CRACD: variants seen among roughly 807,000 people sequenced by gnomAD.
CRACD encodes capping protein inhibiting regulator of actin dynamics.
Under a neutral mutation model 106.8 loss-of-function variants are expected in CRACD, and 56 were observed. That is an observed-to-expected ratio of 0.52 (90% CI 0.42 to 0.66). The LOEUF is 0.66. Ranked by LOEUF, CRACD falls within the 30% of genes least tolerant of loss-of-function variation. The pLI is 0.00. For missense variants in CRACD, 1,730 were observed against 1,623.2 expected, an observed-to-expected ratio of 1.07 and a Z score of -1.13; for synonymous variants, 754 against 670.8, an observed-to-expected ratio of 1.12 and a Z score of -1.92.
intron 5 of CRACD, among the ~76,000 whole-genome samples, chr4:56,309,610 T>G (rs1042128905): frequency 3.7e-4 from 56 of 152,184 alleles, no homozygotes; most frequent in Middle Eastern, 3.4e-3. Context: ...TCCCAGCACT[T>G]TGGGAGGCCG....
At chr4:56,246,972 A>G (rs1307450251) in intron 2 of CRACD, among the ~76,000 whole-genome samples, 1 of 152,200 alleles carries the variant, frequency 6.6e-6, no homozygotes, top group Non-Finnish European at 1.5e-5. Flanking sequence ...TAATATTTAG[A>G]TACTGAAAAA....
chr4:56,204,434 T>TGGGC, intron 2 of CRACD, among the ~76,000 whole-genome samples: 2 of 152,182 alleles, frequency 1.3e-5, no homozygotes, highest in Non-Finnish European at 2.9e-5. Flanking sequence ...CATCCCATGG[T>TGGGC]AGAAGGCAGG....
chr4:56,303,227 C>A (rs768765517), intron 4 of CRACD, among the ~76,000 whole-genome samples: 25 of 152,130 alleles, frequency 1.6e-4, no homozygotes, highest in Non-Finnish European at 3.4e-4. Context: ...TGCCTGTAAT[C>A]CCAGCTACTC....
At chr4:56,061,278 C>G (rs147554396) in intron 1 of CRACD, among the ~76,000 whole-genome samples, 1 of 152,176 alleles carries the variant, frequency 6.6e-6, no homozygotes. Context: ...TCAAAGGATC[C>G]TCCTACCTCA....
chr4:56,103,713 G>T (rs555534903), intron 1 of CRACD, among the ~76,000 whole-genome samples: 7 of 152,330 alleles, frequency 4.6e-5, no homozygotes, highest in African/African-American at 1.7e-4. Flanking sequence ...AGAGAAAAGA[G>T]GAGATATCTT....
chr4:56,094,151 TGAAAG>T (rs1353120162), intron 1 of CRACD, among the ~76,000 whole-genome samples: 1 of 152,224 alleles, frequency 6.6e-6, no homozygotes, highest in Non-Finnish European at 1.5e-5. Context: ...AAATTGTAGT[TGAAAG>T]GAAACTATTC....
chr4:56,145,715 G>A (rs890286329), intron 1 of CRACD, among the ~76,000 whole-genome samples: 6 of 151,920 alleles, frequency 3.9e-5, no homozygotes, highest in Non-Finnish European at 7.4e-5. Context: ...AGGTTCAGGC[G>A]ATCCTCCTGC....
chr4:56,324,757 T>G (rs150338642), intron 10 of CRACD, among the ~76,000 whole-genome samples: 3 of 152,232 alleles, frequency 2.0e-5, no homozygotes, highest in Non-Finnish European at 4.4e-5. Flanking sequence ...AGGGTGAAGT[T>G]TAGGTAAAAT....
At chr4:56,142,765 G>C (rs1735249663) in intron 1 of CRACD, among the ~76,000 whole-genome samples, 1 of 151,976 alleles carries the variant, frequency 6.6e-6, no homozygotes, top group Non-Finnish European at 1.5e-5. Context: ...ATGTTTAGTT[G>C]ATTGTCACAA....
intron 2 of CRACD, among the ~76,000 whole-genome samples, chr4:56,221,635 C>T (rs1490912017): frequency 6.6e-6 from 1 of 151,644 alleles, no homozygotes; most frequent in Non-Finnish European, 1.5e-5. Flanking sequence ...TCAGAATCTG[C>T]AAGGAACTCA....
chr4:56,263,779 A>G (rs1332626556), intron 2 of CRACD, among the ~76,000 whole-genome samples: 3 of 152,198 alleles, frequency 2.0e-5, no homozygotes, highest in African/African-American at 4.8e-5. Flanking sequence ...AACATGAGCA[A>G]AGCACACAGA....
rs116325391 is a variant in CRACD at position 56,187,674 on chromosome 4, A to G, written c.-189+8244A>G. Among the ~76,000 whole-genome samples, 363 of 152,276 alleles carry G rather than the reference A, an allele frequency of 2.4e-3. 2 individuals are homozygous for G. The highest frequency in any genetic ancestry group is 8.4e-3 in the African/African-American group (350 of 41,550). On this transcript the variant is annotated intron_variant, in intron 2 of 10. Transcript: ENST00000682029. ...TTTAATCTTCTTTTTCCTTATTAAAATAAATAAATTTTTTTTTCTTCTAAA... is the reference window on the plus strand; with the variant it reads ...TTTAATCTTCTTTTTCCTTATTAAAGTAAATAAATTTTTTTTTCTTCTAAA...
At chr4:56,065,565 G>A (rs139686019) in intron 1 of CRACD, among the ~76,000 whole-genome samples, 153 of 152,298 alleles carry the variant, frequency 1.0e-3, no homozygotes, top group Non-Finnish European at 1.9e-3. Flanking sequence ...GAGGTACAGG[G>A]TATACCACTT....
chr4:56,191,324 G>T (rs1737358725), intron 2 of CRACD, among the ~76,000 whole-genome samples: 1 of 151,894 alleles, frequency 6.6e-6, no homozygotes, highest in South Asian at 2.1e-4. Context: ...TTGGCTTGTG[G>T]CCCCTTCCTC....
Position 56,316,255 on chromosome 4 carries a change from G to A in CRACD, c.2753G>A (p.Arg918Lys), listed in dbSNP as rs1429592432. 2 of 1,613,860 alleles carry A rather than the reference G, an allele frequency of 1.2e-6. No individual in the cohort carries two copies. Among genetic ancestry groups the A allele is most frequent in the Non-Finnish European group, 1.7e-6 (2 of 1,179,858 alleles). ...QERKQAPSTRRDSAEPSSSRS... is the reference protein window; with the variant it reads ...QERKQAPSTRKDSAEPSSSRS... Reference sequence around the variant, plus strand: ...CGGAAGCAAGCCCCTTCCACCCGGAGGGACTCCGCTGAACCTTCCAGCAGC... The same window carrying A: ...CGGAAGCAAGCCCCTTCCACCCGGAAGGACTCCGCTGAACCTTCCAGCAGC... Residue 918 changes from arginine (R) to lysine (K), a missense_variant, in exon 8 of 11, where the codon AGG becomes AAG. By Grantham distance (26) the Arg-to-Lys change is conservative. This residue lies in a region of CRACD where 1,620 missense variants were observed against 1,481.6 expected (regional missense o/e 1.09). Transcript: ENST00000682029.
rs769094403 is a variant in CRACD at position 56,310,675 on chromosome 4, A to G, written c.295A>G (p.Thr99Ala). The change falls in exon 6 of 11, where the codon ACG becomes GCG. Residue 99 changes from threonine (T) to alanine (A), a missense_variant. Physicochemically the swap from Thr to Ala is moderately conservative, Grantham distance 58. Around this residue, in one of 5 missense-constraint regions of CRACD, gnomAD observed 1,620 missense variants for 1,481.6 expected, o/e 1.09. Transcript: ENST00000682029. ...TCTCTTACTGTTCCAGTCCAGTGATACGCCAAGTTCTCTAAGTCCTCTGAA... is the reference window on the plus strand; with the variant it reads ...TCTCTTACTGTTCCAGTCCAGTGATGCGCCAAGTTCTCTAAGTCCTCTGAA... ...LSDAENKSSD[T>A]PSSLSPLNLP... is the part of the protein sequence containing the mutation. 15 of 1,610,296 alleles carry G rather than the reference A, an allele frequency of 9.3e-6. No individual in the cohort carries two copies. The highest frequency in any genetic ancestry group is 1.7e-5 in the Admixed American group (1 of 59,992).
chr4:56,190,741 T>C (rs1560478160), intron 2 of CRACD, among the ~76,000 whole-genome samples: 5 of 152,136 alleles, frequency 3.3e-5, no homozygotes, highest in Admixed American at 1.3e-4. Context: ...TCTGCGGATC[T>C]ACTATTCTGG....
At chr4:56,170,754 G>A (rs1003509011) in intron 1 of CRACD, among the ~76,000 whole-genome samples, 8 of 152,128 alleles carry the variant, frequency 5.3e-5, no homozygotes, top group Non-Finnish European at 1.0e-4. Flanking sequence ...CGGGAGGATC[G>A]CTTGAGCCCA....
chr4:56,310,798 C>CCA, intron 6 of CRACD, 64 bp downstream of exon 6: 1 of 804,144 alleles, frequency 1.2e-6, no homozygotes, highest in Non-Finnish European at 1.9e-6. Context: ...TTCCCCCCCC[C>CCA]TTTTTTTTTT....
Sources: allele counts gnomAD v4.1 joint callset (sites outside exome capture counted in the v4.1 genomes callset), GRCh38; gene constraint gnomAD v4.1.1; regional missense constraint gnomAD v4.1.1; transcripts MANE v1.5; gene names NCBI Gene and HGNC (gene_info 2026-07-23, HGNC 2026-07-21).